Variants in NRXN3 observed in about 807,000 individuals in gnomAD.
NRXN3 encodes neurexin III.
Under a neutral mutation model 137.6 loss-of-function variants are expected in NRXN3, and 32 were observed. That is an observed-to-expected ratio of 0.23 (90% CI 0.18 to 0.31). NRXN3 has a LOEUF of 0.31. Among genes scored for constraint, NRXN3 ranks in the 10% least tolerant of loss-of-function variants. The pLI, the probability that NRXN3 is intolerant of heterozygous loss-of-function variation, is 1.00. For synonymous variants in NRXN3, 798 were observed against 784.5 expected, an observed-to-expected ratio of 1.02 and a Z score of -0.29; for missense variants, 1,574 against 2,062.5, an observed-to-expected ratio of 0.76 and a Z score of 4.59.
chr14:79,133,633 TA>T (rs1380223833), intron 15 of NRXN3, among the ~76,000 whole-genome samples: 1 of 152,136 alleles, frequency 6.6e-6, no homozygotes, highest in Non-Finnish European at 1.5e-5. Flanking sequence ...TATTAGAAAC[TA>T]AACAAATACA....
intron 8 of NRXN3, among the ~76,000 whole-genome samples, chr14:78,715,486 T>A (rs2098426996): frequency 6.6e-6 from 1 of 152,258 alleles, no homozygotes; most frequent in African/African-American, 2.4e-5. Flanking sequence ...GATTCTTTAG[T>A]GCTTTCTACA....
intron 4 of NRXN3, among the ~76,000 whole-genome samples, chr14:78,452,142 C>T (rs573615403): frequency 2.4e-4 from 36 of 152,160 alleles, no homozygotes; most frequent in Admixed American, 1.0e-3. Context: ...TTACTACTTC[C>T]GGTGGTACTG....
chr14:79,809,407 G>A (rs1263275167), intron 20 of NRXN3, among the ~76,000 whole-genome samples: 1 of 152,096 alleles, frequency 6.6e-6, no homozygotes, highest in Non-Finnish European at 1.5e-5. Flanking sequence ...CCAAAGTGCT[G>A]GGATTACAAG....
At chr14:79,768,512 G>C (rs1049755101) in intron 19 of NRXN3, among the ~76,000 whole-genome samples, 113 of 152,254 alleles carry the variant, frequency 7.4e-4, no homozygotes, top group African/African-American at 2.0e-3. Context: ...AGCAGGGGCA[G>C]ACTGACACCT....
intron 4 of NRXN3, among the ~76,000 whole-genome samples, chr14:78,611,299 A>G (rs1435016731): frequency 2.6e-5 from 4 of 152,076 alleles, no homozygotes; most frequent in Non-Finnish European, 5.9e-5. Flanking sequence ...TACCAGCACC[A>G]GTTTCTATTT....
At chr14:79,103,436 A>G (rs1226717562) in intron 15 of NRXN3, among the ~76,000 whole-genome samples, 2 of 152,132 alleles carry the variant, frequency 1.3e-5, no homozygotes, top group Admixed American at 6.6e-5. Context: ...AGAGACAGGA[A>G]CAACACGTTC....
intron 15 of NRXN3, among the ~76,000 whole-genome samples, chr14:79,265,616 T>TACATGAA (rs1454442041): frequency 1.3e-5 from 2 of 152,160 alleles, no homozygotes; most frequent in Admixed American, 6.5e-5. Flanking sequence ...CACCACCCAA[T>TACATGAA]AGCATACTGT....
At chr14:79,455,719 A>G (rs559126512) in intron 15 of NRXN3, among the ~76,000 whole-genome samples, 5 of 152,092 alleles carry the variant, frequency 3.3e-5, no homozygotes, top group African/African-American at 1.2e-4. Context: ...TGATGGTTAT[A>G]TAATTTCTAA....
At chr14:78,699,062 G>A (rs1260837108) in intron 6 of NRXN3, among the ~76,000 whole-genome samples, 2 of 151,994 alleles carry the variant, frequency 1.3e-5, no homozygotes, top group African/African-American at 4.8e-5. Flanking sequence ...GATACAGAGA[G>A]AAAAGGCATA....
intron 16 of NRXN3, among the ~76,000 whole-genome samples, chr14:79,623,243 A>G (rs759433676): frequency 6.6e-6 from 1 of 152,220 alleles, no homozygotes; most frequent in Non-Finnish European, 1.5e-5. Flanking sequence ...AGATGCATAC[A>G]GCAGCATATG....
intron 15 of NRXN3, among the ~76,000 whole-genome samples, chr14:79,216,304 C>T (rs889528604): frequency 6.6e-6 from 1 of 152,270 alleles, no homozygotes; most frequent in East Asian, 1.9e-4. Flanking sequence ...GAAAGGGAGC[C>T]TTCCAAGAGA....
chr14:78,961,254 C>T (rs2099407626), intron 11 of NRXN3, among the ~76,000 whole-genome samples: 1 of 152,068 alleles, frequency 6.6e-6, no homozygotes, highest in African/African-American at 2.4e-5. Context: ...CAGCGTTTCC[C>T]ATTATTATTC....
At chr14:79,430,977 ACTC>A (rs2095743369) in intron 15 of NRXN3, among the ~76,000 whole-genome samples, 1 of 151,880 alleles carries the variant, frequency 6.6e-6, no homozygotes, top group Non-Finnish European at 1.5e-5. Flanking sequence ...TAGCTTTGTG[ACTC>A]CTCCCTCATA....
Position 79,664,033 on chromosome 14 carries a change from C to A in NRXN3, c.3616+84C>A. ...GTGGTGATTTTTCTCATGACTGTCA[C>A]CAAATTCCAGAACACTGAGTGAAGT... On this transcript the variant is annotated intron_variant, in intron 17 of 20. Coordinates refer to ENST00000335750, the MANE Select transcript of NRXN3 (RefSeq NM_001330195.2). The A allele has an allele frequency of 1.3e-5, 18 of 1,390,824 alleles. No homozygotes were observed. In the South Asian group the frequency reaches 2.3e-4, roughly 17 times the overall value. 86.2% of individuals were successfully genotyped at this position (1,390,824 alleles called of 1,614,324 possible). A position where few individuals can be genotyped will look rare whatever the true frequency, so the allele number is the denominator to read the frequency against.
chr14:79,077,499 T>C (rs778450539), intron 15 of NRXN3, among the ~76,000 whole-genome samples: 20 of 152,240 alleles, frequency 1.3e-4, no homozygotes, highest in Non-Finnish European at 2.8e-4. Flanking sequence ...ATTACTATCC[T>C]TGTTAATTCT....
intron 8 of NRXN3, among the ~76,000 whole-genome samples, chr14:78,738,589 T>C (rs994923140): frequency 5.3e-5 from 8 of 152,188 alleles, no homozygotes; most frequent in Non-Finnish European, 4.4e-5. Flanking sequence ...ACTTCTTCCA[T>C]GCTGTTTGTT....
At chr14:78,967,442 A>G in intron 13 of NRXN3, 44 bp downstream of exon 13, 3 of 1,411,276 alleles carry the variant, frequency 2.1e-6, no homozygotes, top group South Asian at 1.2e-5. Flanking sequence ...AGCTTTTCTT[A>G]CAATAGATAG....
At chr14:78,255,326 C>T (rs545064961) in intron 2 of NRXN3, among the ~76,000 whole-genome samples, 1 of 152,326 alleles carries the variant, frequency 6.6e-6, no homozygotes, top group Non-Finnish European at 1.5e-5. Context: ...AGCCAGGCCT[C>T]GGACCACACG....
intron 20 of NRXN3, among the ~76,000 whole-genome samples, chr14:79,860,161 T>C (rs1428876200): frequency 6.6e-6 from 1 of 152,188 alleles, no homozygotes; most frequent in Non-Finnish European, 1.5e-5. Flanking sequence ...CGAGGGTCTA[T>C]GGGTAAACAG....
Sources: gnomAD v4.1 joint callset for allele counts (sites outside exome capture counted in the v4.1 genomes callset) on GRCh38, gnomAD v4.1.1 for gene constraint, MANE v1.5 for transcripts, NCBI Gene and HGNC (gene_info 2026-07-23, HGNC 2026-07-21) for gene names.